The following RBFOX1 variants were observed in gnomAD, a reference collection of about 807,000 sequenced individuals.
RBFOX1 encodes RNA binding protein fox-1 homolog 1.
A neutral mutation model predicts 57.7 loss-of-function variants in RBFOX1; 8 were observed. The ratio of observed to expected loss-of-function variants is 0.14; its 90% CI spans 0.08 to 0.25. The LOEUF is 0.25. Ranked by LOEUF, RBFOX1 falls within the 10% of genes least tolerant of loss-of-function variation. The pLI is 1.00. For synonymous variants in RBFOX1, 326 were observed against 222.4 expected, an observed-to-expected ratio of 1.47 and a Z score of -4.15; for missense variants, 611 against 548.5, an observed-to-expected ratio of 1.11 and a Z score of -1.14.
chr16:6,679,891 T>G (rs1172528720), intron 3 of RBFOX1, among the ~76,000 whole-genome samples: 34 of 146,848 alleles, frequency 2.3e-4, no homozygotes, highest in African/African-American at 8.2e-4. Flanking sequence ...TTTTTTTTTT[T>G]TTTTTTTTTT....
chr16:6,716,191 T>C (rs17668891), intron 3 of RBFOX1, among the ~76,000 whole-genome samples: 65,707 of 152,146 alleles, frequency 0.43, 17,492 homozygotes, highest in Middle Eastern at 0.71. Flanking sequence ...AATACCTTTC[T>C]AATAATGTTG....
intron 3 of RBFOX1, among the ~76,000 whole-genome samples, chr16:6,738,813 G>T (rs910580370): frequency 7.9e-5 from 12 of 152,210 alleles, no homozygotes; most frequent in African/African-American, 2.9e-4. Flanking sequence ...AATCAAACTA[G>T]AAATTAATTC....
intron 1 of RBFOX1, among the ~76,000 whole-genome samples, chr16:6,081,505 T>C (rs541552089): frequency 3.3e-5 from 5 of 152,286 alleles, no homozygotes; most frequent in African/African-American, 9.6e-5. Context: ...TTTTCAATAT[T>C]GTAGGGACCA....
At chr16:5,240,677 C>A (rs1357814011) in intron 1 of RBFOX1, among the ~76,000 whole-genome samples, 1 of 152,182 alleles carries the variant, frequency 6.6e-6, no homozygotes, top group Non-Finnish European at 1.5e-5. Context: ...TCTCCTCTTT[C>A]CATCCCTACA....
rs776766671 is a variant in RBFOX1, at chr16:7,521,898, G to C, written c.270+3509G>C. ...TCAGCTTCTAATGGGAAACCATCCT[G>C]AGTTGGCTTCCTCGTCCTCACCTCA... is the stretch of plus-strand genomic sequence containing the variant. On this transcript the variant is annotated intron_variant, in intron 5 of 15. Coordinates refer to ENST00000550418, the MANE Select transcript of RBFOX1 (RefSeq NM_018723.4). 5.5e-4 allele frequency among the ~76,000 whole-genome samples: 84 copies of C among 152,288 alleles called. 2 individuals are homozygous for C. Among genetic ancestry groups the C allele is most frequent in the Non-Finnish European group, 8.2e-4 (56 of 68,016 alleles).
intron 4 of RBFOX1, among the ~76,000 whole-genome samples, chr16:7,495,537 C>T (rs8044225): frequency 0.83 from 125,741 of 152,130 alleles, 53,166 homozygotes; most frequent in Middle Eastern, 0.95. Flanking sequence ...TGGTATCTCA[C>T]TGTGGTTTAG....
At chr16:7,444,781 C>T (rs1287171956) in intron 4 of RBFOX1, among the ~76,000 whole-genome samples, 1 of 152,186 alleles carries the variant, frequency 6.6e-6, no homozygotes, top group Non-Finnish European at 1.5e-5. Flanking sequence ...ATCCTCCCAC[C>T]TCAGCCTTCC....
chr16:7,704,827 G>C (rs550224496), intron 14 of RBFOX1, among the ~76,000 whole-genome samples: 28 of 152,240 alleles, frequency 1.8e-4, no homozygotes, highest in African/African-American at 6.7e-4. Context: ...AAGGCAGGCA[G>C]ATCACTTGAG....
At chr16:7,697,582 C>T (rs2079190884) in intron 14 of RBFOX1, among the ~76,000 whole-genome samples, 1 of 152,114 alleles carries the variant, frequency 6.6e-6, no homozygotes, top group South Asian at 2.1e-4. Flanking sequence ...ATATGTATCA[C>T]AGTAGTTCAA....
rs570037927 is a variant in RBFOX1 at position 6,897,204 on chromosome 16, C to T, written c.-15-154853C>T. Among the ~76,000 whole-genome samples the T allele has an allele frequency of 3.5e-4, 54 of 152,278 alleles. 1 individual carries two copies. Among genetic ancestry groups the T allele is most frequent in the African/African-American group, 1.3e-3 (54 of 41,554 alleles). Reference sequence around the variant, plus strand: ...TTAAACACAGGTTGTTTTCCAGAACCCTACTTCATAACTTCTAAGATAGAG... The same window carrying T: ...TTAAACACAGGTTGTTTTCCAGAACTCTACTTCATAACTTCTAAGATAGAG... On this transcript the variant is annotated intron_variant, in intron 3 of 15. Coordinates refer to ENST00000550418, the MANE Select transcript of RBFOX1 (RefSeq NM_018723.4).
At chr16:6,786,486 G>A (rs1313975383) in intron 3 of RBFOX1, among the ~76,000 whole-genome samples, 1 of 152,172 alleles carries the variant, frequency 6.6e-6, no homozygotes, top group South Asian at 2.1e-4. Context: ...AAAGAGCTGT[G>A]TAGCCCCTTA....
intron 4 of RBFOX1, among the ~76,000 whole-genome samples, chr16:7,208,344 G>A (rs2152765802): frequency 6.6e-6 from 1 of 152,282 alleles, no homozygotes; most frequent in African/African-American, 2.4e-5. Flanking sequence ...CTAACGCTGG[G>A]GAATTTATAA....
At chr16:7,109,838 A>G (rs2064326679) in intron 4 of RBFOX1, among the ~76,000 whole-genome samples, 1 of 152,146 alleles carries the variant, frequency 6.6e-6, no homozygotes, top group Admixed American at 6.6e-5. Flanking sequence ...GCACTACGTG[A>G]TGAGGTGAGG....
chr16:7,165,875 C>T (rs762927269), intron 4 of RBFOX1, among the ~76,000 whole-genome samples: 1 of 151,348 alleles, frequency 6.6e-6, no homozygotes. Flanking sequence ...TGTTTTTATT[C>T]TTGAATAGAT....
chr16:5,328,921 C>G (rs930458208), intron 1 of RBFOX1, among the ~76,000 whole-genome samples: 1 of 152,230 alleles, frequency 6.6e-6, no homozygotes, highest in African/African-American at 2.4e-5. Flanking sequence ...ACCCTTGATG[C>G]TATTCCTACC....
intron 3 of RBFOX1, among the ~76,000 whole-genome samples, chr16:6,803,047 T>A (rs142670320): frequency 6.6e-6 from 1 of 152,318 alleles, no homozygotes; most frequent in East Asian, 1.9e-4. Context: ...CTCATTTCCA[T>A]TGAACTCAAA....
intron 14 of RBFOX1, among the ~76,000 whole-genome samples, chr16:7,690,318 G>T (rs1225819318): frequency 2.0e-5 from 3 of 152,068 alleles, no homozygotes; most frequent in Non-Finnish European, 4.4e-5. Context: ...TAGCACATTA[G>T]AATCACTTGG....
At chr16:6,649,362 T>C (rs995008981) in intron 2 of RBFOX1, among the ~76,000 whole-genome samples, 1 of 152,132 alleles carries the variant, frequency 6.6e-6, no homozygotes, top group Non-Finnish European at 1.5e-5. Flanking sequence ...ACTTAGTTTT[T>C]TGCTTTTTGT....
At chr16:6,676,229 G>C (rs2057659124) in intron 3 of RBFOX1, among the ~76,000 whole-genome samples, 1 of 151,898 alleles carries the variant, frequency 6.6e-6, no homozygotes, top group South Asian at 2.1e-4. Context: ...GAATAGTAGA[G>C]GTGAGTGTTG....
Sources: allele counts gnomAD v4.1 joint callset (sites outside exome capture counted in the v4.1 genomes callset), GRCh38; gene constraint gnomAD v4.1.1; transcripts MANE v1.5; gene names NCBI Gene and HGNC (gene_info 2026-07-23, HGNC 2026-07-21).